The following KIF25 variants were observed in gnomAD, a reference collection of about 807,000 sequenced individuals.
KIF25 encodes the protein kinesin family member 25, also known as kinesin-like protein KIF25.
A neutral mutation model predicts 32.9 loss-of-function variants in KIF25; 19 were observed. That is an observed-to-expected ratio of 0.58 (90% CI 0.40 to 0.85). The LOEUF is 0.85. Ranked by LOEUF, KIF25 falls within the 40% of genes least tolerant of loss-of-function variation. The pLI is 0.00. For synonymous variants in KIF25, 225 were observed against 213.7 expected, an observed-to-expected ratio of 1.05 and a Z score of -0.46; for missense variants, 485 against 507.0, an observed-to-expected ratio of 0.96 and a Z score of 0.42.
chr6:168,013,707 C>T (rs961344820), intron 4 of KIF25, among the ~76,000 whole-genome samples: 1 of 147,742 alleles, frequency 6.8e-6, no homozygotes, highest in Admixed American at 6.6e-5. Flanking sequence ...GGATCTGCTG[C>T]TTCCCTTTCC....
chr6:168,035,317 A>C (rs1262513300), intron 8 of KIF25, among the ~76,000 whole-genome samples: 5 of 150,678 alleles, frequency 3.3e-5, no homozygotes, highest in Non-Finnish European at 7.4e-5. Context: ...GAGATGCACG[A>C]TGCACAGCCA....
At chr6:168,039,186 T>C (rs1323029189) in intron 9 of KIF25, among the ~76,000 whole-genome samples, 2 of 152,130 alleles carry the variant, frequency 1.3e-5, no homozygotes, top group Non-Finnish European at 2.9e-5. Context: ...AAAAAAACCT[T>C]CATAAGAGCC....
At chr6:168,005,705 C>T (rs539510717) in intron 4 of KIF25, among the ~76,000 whole-genome samples, 16 of 152,282 alleles carry the variant, frequency 1.1e-4, no homozygotes, top group East Asian at 1.9e-4. Flanking sequence ...GCATCCAGCA[C>T]GGGAGAAGGA....
intron 5 of KIF25, among the ~76,000 whole-genome samples, chr6:168,020,128 TCAAACAAA>T (rs58439453): frequency 5.1e-4 from 76 of 150,244 alleles, no homozygotes; most frequent in African/African-American, 9.8e-4. Flanking sequence ...AGACTCCATC[TCAAACAAA>T]CAAACAAACA....
At chr6:168,038,818 A>G in intron 9 of KIF25, 89 bp downstream of exon 9, 1 of 1,354,232 alleles carries the variant, frequency 7.4e-7, no homozygotes, top group Non-Finnish European at 1.0e-6. Context: ...CACGTCTCTA[A>G]ACGAGCTCCC....
At chr6:168,000,715 C>A (rs1004568132) in intron 2 of KIF25, among the ~76,000 whole-genome samples, 1 of 152,184 alleles carries the variant, frequency 6.6e-6, no homozygotes, top group Admixed American at 6.5e-5. Flanking sequence ...ACCCTCCCGC[C>A]ACTCCAAGGT....
At position 168,041,217 on chromosome 6, in the gene KIF25, G is replaced by T. The variant is rs180944251; in HGVS notation, c.647-752G>T. Among the ~76,000 whole-genome samples, 319 of 152,350 alleles carry T rather than the reference G, an allele frequency of 2.1e-3. 2 individuals are homozygous for T. The highest frequency in any genetic ancestry group is 0.011 in the South Asian group (53 of 4,828). The stretch of plus-strand genomic sequence containing the variant: ...ATTCCCCATCCTTCTTGCCACCGTG[G>T]CACTTGAAACATTTGGCCTCCAAGG... On this transcript the variant is annotated intron_variant, in intron 10 of 12. Coordinates refer to ENST00000643607, the MANE Select transcript of KIF25 (RefSeq NM_030615.4).
At chr6:168,040,303 C>A in intron 10 of KIF25, 87 bp downstream of exon 10, 1 of 1,335,006 alleles carries the variant, frequency 7.5e-7, no homozygotes, top group Non-Finnish European at 1.0e-6. Context: ...CAGTGGCTCA[C>A]GCCTGTAATC....
At chr6:168,025,350 T>C (rs1798845440) in intron 5 of KIF25, among the ~76,000 whole-genome samples, 1 of 152,212 alleles carries the variant, frequency 6.6e-6, no homozygotes, top group Non-Finnish European at 1.5e-5. Flanking sequence ...CTTGGAATAG[T>C]GTTTGGCACA....
chr6:168,015,318 A>G (rs1798699238), intron 4 of KIF25, among the ~76,000 whole-genome samples: 1 of 152,206 alleles, frequency 6.6e-6, no homozygotes, highest in Non-Finnish European at 1.5e-5. Context: ...GAGAGGGTGA[A>G]TTCAATGTAC....
intron 12 of KIF25, among the ~76,000 whole-genome samples, chr6:168,043,117 G>A (rs769442769): frequency 6.6e-6 from 1 of 152,194 alleles, no homozygotes; most frequent in Non-Finnish European, 1.5e-5. Context: ...GGTGCCAGAA[G>A]CCTGGACGCA....
chr6:168,025,218 AT>A (rs1208165223), intron 5 of KIF25, among the ~76,000 whole-genome samples: 2 of 152,276 alleles, frequency 1.3e-5, no homozygotes, highest in Non-Finnish European at 2.9e-5. Flanking sequence ...ACGCTCACTG[AT>A]GAAGGACCTG....
At chr6:168,020,997 G>A (rs1359334964) in intron 5 of KIF25, among the ~76,000 whole-genome samples, 1 of 152,160 alleles carries the variant, frequency 6.6e-6, no homozygotes, top group Non-Finnish European at 1.5e-5. Flanking sequence ...AAATTTATAT[G>A]GAAAGGTGAA....
intron 4 of KIF25, among the ~76,000 whole-genome samples, chr6:168,005,362 G>A (rs989950811): frequency 2.0e-5 from 3 of 152,218 alleles, no homozygotes; most frequent in African/African-American, 7.2e-5. Context: ...AAAATGAAGA[G>A]TTGAGGAGTG....
intron 8 of KIF25, 103 bp downstream of exon 8, chr6:168,034,134 G>A: frequency 1.6e-6 from 2 of 1,220,802 alleles, no homozygotes; most frequent in East Asian, 2.4e-5. Context: ...TTTGAAGAAG[G>A]TGATCAAACC....
intron 8 of KIF25, among the ~76,000 whole-genome samples, chr6:168,036,562 A>G (rs1178226388): frequency 2.0e-5 from 3 of 152,246 alleles, no homozygotes; most frequent in Admixed American, 6.5e-5. Flanking sequence ...CATTGTCCCT[A>G]GAATCTAGTC....
At chr6:168,042,366 C>G (rs55932407) in intron 11 of KIF25, among the ~76,000 whole-genome samples, 195 bp from the exon 12 acceptor site, 11,017 of 152,216 alleles carry the variant, frequency 0.072, 935 homozygotes, top group African/African-American at 0.2. Context: ...CCTCTGGGAA[C>G]AGAAAACCTG....
At chr6:168,002,110 A>G (rs1583122602) in intron 2 of KIF25, among the ~76,000 whole-genome samples, 1 of 32,516 alleles carries the variant, frequency 3.1e-5, no homozygotes, top group Non-Finnish European at 5.6e-5. Flanking sequence ...TGAGAAAGAC[A>G]CCTGAGGCGT....
intron 8 of KIF25, among the ~76,000 whole-genome samples, chr6:168,037,360 C>T (rs950957520): frequency 3.1e-4 from 47 of 152,270 alleles, no homozygotes; most frequent in Admixed American, 2.6e-3. Context: ...CTGGATTTTC[C>T]CTTGAGTACA....
Sources: gnomAD v4.1 joint callset for allele counts (sites outside exome capture counted in the v4.1 genomes callset) on GRCh38, gnomAD v4.1.1 for gene constraint, MANE v1.5 for transcripts, NCBI Gene and HGNC (gene_info 2026-07-23, HGNC 2026-07-21) for gene names.